GNG2: variants seen among roughly 807,000 people sequenced by gnomAD.
GNG2 encodes the protein G protein subunit gamma 2.
A neutral mutation model predicts 5.5 loss-of-function variants in GNG2; 5 were observed. That is an observed-to-expected ratio of 0.91 (90% CI 0.48 to 1.92). The LOEUF (loss-of-function observed/expected upper bound fraction) is 1.92. GNG2 is among the 30% of genes most tolerant of loss of function. The pLI is 0.01. For missense variants in GNG2, 55 were observed against 88.4 expected, an observed-to-expected ratio of 0.62 and a Z score of 1.52; for synonymous variants, 28 against 32.0, an observed-to-expected ratio of 0.88 and a Z score of 0.42.
At chr14:51,863,061 C>T (rs1357500658) in intron 1 of GNG2, among the ~76,000 whole-genome samples, 1 of 150,006 alleles carries the variant, frequency 6.7e-6, no homozygotes, top group African/African-American at 2.5e-5. Flanking sequence ...CAGCCTTGGG[C>T]CTCATATGGT....
At chr14:51,895,995 C>T (rs1885167619) in intron 2 of GNG2, among the ~76,000 whole-genome samples, 1 of 152,232 alleles carries the variant, frequency 6.6e-6, no homozygotes, top group Non-Finnish European at 1.5e-5. Flanking sequence ...TCCAATTAAA[C>T]CTCTTTCTCT....
chr14:51,918,519 A>G (rs1418585603), intron 2 of GNG2: 3 of 152,242 alleles, frequency 2.0e-5, no homozygotes, highest in African/African-American at 4.8e-5. Flanking sequence ...TTGTACATCT[A>G]TGGTGTGACC....
rs372075341 is a variant in GNG2 at position 51,951,196 on chromosome 14, G to C, written c.87+431G>C. ...TTCTAGTTATCCTTGCACGTTATAA[G>C]TTTTTTCTTCTTTATACTTTATTGA... On this transcript the variant is annotated intron_variant, in intron 3 of 3. Coordinates refer to ENST00000556766, the MANE Select transcript of GNG2 (RefSeq NM_053064.5). 2.6e-5 allele frequency among the ~76,000 whole-genome samples: 4 copies of C among 152,160 alleles called. No homozygotes were observed. In the South Asian group the frequency reaches 8.3e-4, roughly 32 times the overall value.
chr14:51,945,606 T>C (rs952268971), intron 2 of GNG2, among the ~76,000 whole-genome samples: 3 of 152,218 alleles, frequency 2.0e-5, no homozygotes, highest in African/African-American at 7.2e-5. Context: ...AGATGGATGG[T>C]GGTGATGATT....
chr14:51,966,231 A>AAAAAAAT (rs61013183), intron 3 of GNG2, among the ~76,000 whole-genome samples: 8 of 108,558 alleles, frequency 7.4e-5, no homozygotes, highest in East Asian at 5.2e-4. Context: ...AAAAAAAAAA[A>AAAAAAAT]AAAAAACAAA....
chr14:51,906,544 G>C (rs1885930442), intron 2 of GNG2, among the ~76,000 whole-genome samples: 1 of 152,082 alleles, frequency 6.6e-6, no homozygotes, highest in Non-Finnish European at 1.5e-5. Flanking sequence ...CTTTGAATTG[G>C]AAAAGATTTC....
Position 51,914,743 on chromosome 14 carries a change from C to G in GNG2, c.-29-35907C>G, listed in dbSNP as rs867910691. 7.9e-5 allele frequency among the ~76,000 whole-genome samples: 12 copies of G among 152,346 alleles called. No homozygotes were observed. The South Asian group carries it at 2.5e-3, about 32-fold the overall frequency. On this transcript the variant is annotated intron_variant, in intron 2 of 3. Transcript: ENST00000556766. Reference sequence around the variant, plus strand: ...GATCCTCATGGGCTATTAGCTTCATCAGATTTCATTTGAAGAGTTCTTTAT... The same window carrying G: ...GATCCTCATGGGCTATTAGCTTCATGAGATTTCATTTGAAGAGTTCTTTAT...
chr14:51,827,774 A>C (rs1178135275), exon 2 of GNG2: 1 of 699,508 alleles, frequency 1.4e-6, no homozygotes, highest in Non-Finnish European at 2.6e-6. Context: ...TCCAATGGAA[A>C]GAGAAGCAAG....
At chr14:51,855,534 C>G (rs1180377758), upstream of GNG2, among the ~76,000 whole-genome samples, 2 of 152,216 alleles carry the variant, frequency 1.3e-5, no homozygotes, top group African/African-American at 4.8e-5. Context: ...TTCCCTTTAG[C>G]TGATCCAAGA....
chr14:51,910,034 G>A (rs887653069), intron 2 of GNG2, among the ~76,000 whole-genome samples: 8 of 152,186 alleles, frequency 5.3e-5, no homozygotes, highest in African/African-American at 1.2e-4. Flanking sequence ...AGTACCCAGC[G>A]TGGGGCGGAA....
At chr14:51,882,698 G>C (rs1172876627) in intron 2 of GNG2, among the ~76,000 whole-genome samples, 1 of 152,180 alleles carries the variant, frequency 6.6e-6, no homozygotes, top group Non-Finnish European at 1.5e-5. Flanking sequence ...GCATCAGCTA[G>C]GTTGGAAAGT....
At chr14:51,854,804 C>T (rs1003963135) in intron 2 of GNG2, among the ~76,000 whole-genome samples, 5 of 152,154 alleles carry the variant, frequency 3.3e-5, no homozygotes, top group African/African-American at 1.2e-4. Flanking sequence ...TGAGCCACCG[C>T]ACCCGGCCGG....
At chr14:51,945,699 A>G (rs1888603279) in intron 2 of GNG2, among the ~76,000 whole-genome samples, 1 of 152,190 alleles carries the variant, frequency 6.6e-6, no homozygotes, top group Non-Finnish European at 1.5e-5. Context: ...TGTGCATTTT[A>G]TCACAATTTT....
chr14:51,910,106 G>T (rs1245941985), intron 2 of GNG2, among the ~76,000 whole-genome samples: 1 of 152,228 alleles, frequency 6.6e-6, no homozygotes. Flanking sequence ...GGAGGTTCCT[G>T]TCTAGTGGGG....
intron 3 of GNG2, among the ~76,000 whole-genome samples, chr14:51,953,320 A>G (rs1889095459): frequency 6.6e-6 from 1 of 152,188 alleles, no homozygotes; most frequent in South Asian, 2.1e-4. Flanking sequence ...CAAAAACATG[A>G]TTCTTGCTCT....
chr14:51,952,007 T>A, intron 3 of GNG2: 2 of 654,048 alleles, frequency 3.1e-6, no homozygotes, highest in Non-Finnish European at 5.4e-6. Context: ...TAAATTAGAA[T>A]CTCCTGGGGT....
chr14:51,954,882 T>C (rs1309232595), intron 3 of GNG2, among the ~76,000 whole-genome samples: 1 of 152,108 alleles, frequency 6.6e-6, no homozygotes, highest in Non-Finnish European at 1.5e-5. Flanking sequence ...TAGAGTGCCA[T>C]CTCTGTTCCA....
Position 51,921,981 on chromosome 14 carries a change from A to G in GNG2, c.-29-28669A>G, listed in dbSNP as rs187162521. 1.5e-3 allele frequency among the ~76,000 whole-genome samples: 221 copies of G among 152,312 alleles called. 3 individuals carry two copies. The highest frequency in any genetic ancestry group is 6.0e-4 in the Non-Finnish European group (41 of 68,030). On this transcript the variant is annotated intron_variant, in intron 2 of 3. Coordinates refer to ENST00000556766, the MANE Select transcript of GNG2 (RefSeq NM_053064.5). Reference sequence around the variant, plus strand: ...TGAAACTATCATTTTGTTCCTTTGCACTATTTTCTTTAGCATTTTCTTCAT... The same window carrying G: ...TGAAACTATCATTTTGTTCCTTTGCGCTATTTTCTTTAGCATTTTCTTCAT...
intron 2 of GNG2, chr14:51,847,278 C>T (rs1194177106): frequency 1.6e-4 from 25 of 152,204 alleles, no homozygotes; most frequent in Admixed American, 1.6e-3. Flanking sequence ...TGACGAATGC[C>T]ACTTGGTCTC....
Sources: gnomAD v4.1 joint callset for allele counts (sites outside exome capture counted in the v4.1 genomes callset) on GRCh38, gnomAD v4.1.1 for gene constraint, MANE v1.5 for transcripts, NCBI Gene and HGNC (gene_info 2026-07-23, HGNC 2026-07-21) for gene names.